Variants in GALNTL6 observed in about 807,000 individuals in gnomAD.
GALNTL6 encodes polypeptide N-acetylgalactosaminyltransferase-like 6.
A neutral mutation model predicts 73.7 loss-of-function variants in GALNTL6; 46 were observed. The ratio of observed to expected loss-of-function variants is 0.62; its 90% CI spans 0.49 to 0.80. GALNTL6 has a LOEUF of 0.80. Among genes scored for constraint, GALNTL6 ranks in the 30% least tolerant of loss-of-function variants. GALNTL6 has a pLI of 0.00. For missense variants in GALNTL6, 604 were observed against 755.0 expected, an observed-to-expected ratio of 0.80 and a Z score of 2.34; for synonymous variants, 259 against 263.7, an observed-to-expected ratio of 0.98 and a Z score of 0.17.
chr4:172,350,730 T>A (rs1221503449), intron 5 of GALNTL6, among the ~76,000 whole-genome samples: 1 of 152,162 alleles, frequency 6.6e-6, no homozygotes, highest in Non-Finnish European at 1.5e-5. Context: ...TCATAATTTT[T>A]AAATTATATA....
intron 5 of GALNTL6, among the ~76,000 whole-genome samples, chr4:172,681,073 G>A (rs1732608406): frequency 6.6e-6 from 1 of 152,044 alleles, no homozygotes; most frequent in Non-Finnish European, 1.5e-5. Context: ...GGACCCTTAG[G>A]TGCCCTTGCC....
At chr4:173,036,492 G>A (rs1753702161) in intron 12 of GALNTL6, among the ~76,000 whole-genome samples, 1 of 152,194 alleles carries the variant, frequency 6.6e-6, no homozygotes, top group Non-Finnish European at 1.5e-5. Context: ...CTTGCCAAGG[G>A]TGGACCGATC....
chr4:173,037,324 T>C (rs1321674411), intron 12 of GALNTL6, among the ~76,000 whole-genome samples: 1 of 152,222 alleles, frequency 6.6e-6, no homozygotes, highest in East Asian at 1.9e-4. Context: ...GAGATTTATC[T>C]AATCCCCCCC....
At chr4:172,484,482 T>C (rs982108570) in intron 5 of GALNTL6, among the ~76,000 whole-genome samples, 1 of 151,158 alleles carries the variant, frequency 6.6e-6, no homozygotes, top group Non-Finnish European at 1.5e-5. Flanking sequence ...TTGGTGGTGC[T>C]GTTGATTCCG....
At chr4:172,622,526 A>T (rs1004937452) in intron 5 of GALNTL6, among the ~76,000 whole-genome samples, 1 of 152,228 alleles carries the variant, frequency 6.6e-6, no homozygotes, top group Admixed American at 6.5e-5. Flanking sequence ...TATATCAATT[A>T]TCTGTCCAAT....
intron 2 of GALNTL6, among the ~76,000 whole-genome samples, chr4:172,088,245 G>T (rs1732104069): frequency 6.6e-6 from 1 of 151,934 alleles, no homozygotes; most frequent in Non-Finnish European, 1.5e-5. Flanking sequence ...GAATATTATT[G>T]CCATTATTTT....
At chr4:172,005,813 T>A (rs1189179375) in intron 2 of GALNTL6, among the ~76,000 whole-genome samples, 2 of 152,188 alleles carry the variant, frequency 1.3e-5, no homozygotes, top group Non-Finnish European at 2.9e-5. Flanking sequence ...GTGCATAAAT[T>A]ATATCCCTAT....
At position 172,999,006 on chromosome 4, in the gene GALNTL6, C is replaced by T. The variant is rs946263097; in HGVS notation, c.1372-10172C>T. Among the ~76,000 whole-genome samples, 3 of 132,278 alleles carry T rather than the reference C, an allele frequency of 2.3e-5. No homozygotes were observed. In the Admixed American group the frequency reaches 2.3e-4, roughly 10 times the overall value. The allele number at this position is 132,278 out of a possible 152,430, so 86.8% of individuals were successfully genotyped here. A position where few individuals can be genotyped will look rare whatever the true frequency, so the allele number is the denominator to read the frequency against. On this transcript the variant is annotated intron_variant, in intron 10 of 12. Coordinates refer to ENST00000506823, the MANE Select transcript of GALNTL6 (RefSeq NM_001034845.3). ...TTTAATATTAAAAAAAAAAAAAAAACGTTGGCTGGTAAAAGGGGTAAAAGA... is the reference window on the plus strand; with the variant it reads ...TTTAATATTAAAAAAAAAAAAAAAATGTTGGCTGGTAAAAGGGGTAAAAGA...
intron 5 of GALNTL6, among the ~76,000 whole-genome samples, chr4:172,428,415 T>C (rs948066116): frequency 6.6e-6 from 1 of 152,120 alleles, no homozygotes; most frequent in East Asian, 1.9e-4. Flanking sequence ...CTCCTTTAAA[T>C]TGGGAGATTA....
chr4:172,423,726 T>C (rs1731130563), intron 5 of GALNTL6, among the ~76,000 whole-genome samples: 4 of 152,068 alleles, frequency 2.6e-5, no homozygotes, highest in Admixed American at 2.6e-4. Flanking sequence ...AAGGTAAACA[T>C]CTCTGTCTAT....
chr4:173,040,947 A>AT lies in GALNTL6; in HGVS notation c.*852dup, dbSNP rs1753870942. 6.6e-6 allele frequency: 1 copy of AT among 152,606 alleles called. No homozygotes were observed. The highest frequency in any genetic ancestry group is 2.1e-4 in the South Asian group (1 of 4,826). The allele number at this position is 152,606 out of a possible 1,614,324, so 9.5% of individuals were successfully genotyped here. A position where few individuals can be genotyped will look rare whatever the true frequency, so the allele number is the denominator to read the frequency against. On this transcript the variant is annotated 3_prime_UTR_variant, in exon 13 of 13. Transcript: ENST00000506823. Reference sequence around the variant, plus strand: ...GGAGAGGGACTTCCCTGGGAAATCTATTTTTACTTTTCTATTATTTTTAAA... The same window carrying AT: ...GGAGAGGGACTTCCCTGGGAAATCTATTTTTTACTTTTCTATTATTTTTAAA...
intron 3 of GALNTL6, among the ~76,000 whole-genome samples, chr4:172,288,163 T>C (rs1224290105): frequency 6.6e-6 from 1 of 151,674 alleles, no homozygotes; most frequent in East Asian, 1.9e-4. Flanking sequence ...TGATCTCAGC[T>C]CACTGCAAGC....
intron 2 of GALNTL6, among the ~76,000 whole-genome samples, chr4:171,840,762 CTT>C (rs1238288355): frequency 6.6e-6 from 1 of 152,112 alleles, no homozygotes; most frequent in Non-Finnish European, 1.5e-5. Context: ...GCATCCTTCT[CTT>C]GTTTCTTATC....
rs181261821 is a variant in GALNTL6 at position 172,250,607 on chromosome 4, A to G, written c.247+20843A>G. On this transcript the variant is annotated intron_variant, in intron 3 of 12. Coordinates refer to ENST00000506823, the MANE Select transcript of GALNTL6 (RefSeq NM_001034845.3). ...AGGCTTCCCCCTTCACTCAGTTGTCATTCTTCTCTCTCCTTGCCACCACGT... is the reference window on the plus strand; with the variant it reads ...AGGCTTCCCCCTTCACTCAGTTGTCGTTCTTCTCTCTCCTTGCCACCACGT... Among the ~76,000 whole-genome samples, 33 of 152,202 alleles carry G rather than the reference A, an allele frequency of 2.2e-4. No homozygotes were observed. In the East Asian group the frequency reaches 4.8e-3, roughly 22 times the overall value.
chr4:172,040,053 T>A (rs750128871), intron 2 of GALNTL6, among the ~76,000 whole-genome samples: 10 of 152,092 alleles, frequency 6.6e-5, no homozygotes, highest in Non-Finnish European at 1.2e-4. Context: ...AAATAGTAAT[T>A]TCATCAATTA....
chr4:172,688,245 T>A (rs1733050798), intron 5 of GALNTL6, among the ~76,000 whole-genome samples: 1 of 152,220 alleles, frequency 6.6e-6, no homozygotes, highest in Admixed American at 6.5e-5. Context: ...GCATATGTGA[T>A]TGCTACTTTG....
intron 5 of GALNTL6, among the ~76,000 whole-genome samples, chr4:172,639,002 A>G (rs1456143445): frequency 2.0e-5 from 3 of 152,084 alleles, no homozygotes; most frequent in Admixed American, 6.6e-5. Flanking sequence ...GCCCTTCTCA[A>G]TGCATCATAT....
intron 5 of GALNTL6, among the ~76,000 whole-genome samples, chr4:172,393,665 T>A (rs1163692817): frequency 6.6e-6 from 1 of 152,232 alleles, no homozygotes; most frequent in Non-Finnish European, 1.5e-5. Flanking sequence ...TCTTCGAGAT[T>A]TCCCTGTGGC....
intron 8 of GALNTL6, among the ~76,000 whole-genome samples, chr4:172,899,072 T>C (rs1746484806): frequency 6.6e-6 from 1 of 152,130 alleles, no homozygotes; most frequent in Non-Finnish European, 1.5e-5. Flanking sequence ...TTGTAAGCCC[T>C]TAAAAGGGAC....
Sources: gnomAD v4.1 joint callset for allele counts (sites outside exome capture counted in the v4.1 genomes callset) on GRCh38, gnomAD v4.1.1 for gene constraint, MANE v1.5 for transcripts, NCBI Gene and HGNC (gene_info 2026-07-23, HGNC 2026-07-21) for gene names.